Variants in LTBP1 observed in about 807,000 individuals in gnomAD.
LTBP1 encodes the protein latent transforming growth factor beta binding protein 1.
LTBP1 carries 129 observed loss-of-function variants against 207.6 expected under a neutral mutation model. The ratio of observed to expected loss-of-function variants is 0.62; its 90% CI spans 0.54 to 0.72. The LOEUF (loss-of-function observed/expected upper bound fraction) is 0.72, where lower values mean the gene tolerates loss of function less well. Among genes scored for constraint, LTBP1 ranks in the 30% least tolerant of loss-of-function variants. LTBP1 has a pLI of 0.00. For synonymous variants in LTBP1, 963 were observed against 833.7 expected (o/e 1.16, Z -2.67); for missense variants, 2,281 against 2,217.2 (o/e 1.03, Z -0.58).
In LTBP1 at chr2:33,194,925, C is replaced by T. The variant is rs1472314245; in HGVS notation, c.1701+6074C>T. On this transcript the variant is annotated intron_variant, in intron 7 of 33. Transcript: ENST00000404816. ...ATAGGCTGTTCTGAAAATTCTATGG[C>T]CCTTAAGAACTATGTTAAATGTACT... is the stretch of plus-strand genomic sequence containing the variant. Among the ~76,000 whole-genome samples the T allele has an allele frequency of 2.6e-5, 4 of 152,246 alleles. No homozygotes were observed. In the East Asian group the frequency reaches 7.7e-4, roughly 29 times the overall value.
At chr2:32,985,248 T>C (rs975760909) in intron 2 of LTBP1, among the ~76,000 whole-genome samples, 1 of 128,984 alleles carries the variant, frequency 7.8e-6, no homozygotes, top group Non-Finnish European at 1.8e-5. Flanking sequence ...GGTTTTCCTT[T>C]GCTGAGTGAC....
intron 28 of LTBP1, 133 bp from the exon 29 acceptor site, chr2:33,363,257 G>T: frequency 1.2e-6 from 1 of 816,878 alleles, no homozygotes; most frequent in Admixed American, 2.8e-5. Context: ...AGGTTATATT[G>T]CTGTTTGTGT....
intron 31 of LTBP1, among the ~76,000 whole-genome samples, chr2:33,376,203 C>A (rs866111396): frequency 2.3e-4 from 35 of 152,128 alleles, no homozygotes; most frequent in Admixed American, 6.5e-5. Flanking sequence ...TGTTTACCAA[C>A]CTAATCAAAT....
intron 5 of LTBP1, among the ~76,000 whole-genome samples, chr2:33,173,537 C>G (rs910564585): frequency 2.0e-5 from 3 of 152,022 alleles, no homozygotes; most frequent in African/African-American, 7.2e-5. Context: ...AAAAAGAGTC[C>G]AGGACCAGAT....
chr2:33,332,724 C>T (rs114259709), intron 24 of LTBP1, among the ~76,000 whole-genome samples: 3,822 of 151,874 alleles, frequency 0.025, 55 homozygotes, highest in Middle Eastern at 0.095. Flanking sequence ...GCCCAGCTAA[C>T]GTTTTTTGTA....
At position 33,110,751 on chromosome 2, in the gene LTBP1, C is replaced by T. The variant is rs17012574; in HGVS notation, c.1033C>T (p.Leu345=). 55,195 of 1,613,436 alleles carry T rather than the reference C, an allele frequency of 0.034. 1,211 individuals are homozygous for T. The highest frequency in any genetic ancestry group is 0.074 in the African/African-American group (5,556 of 74,978). ...GGATCAAGTTGCGGCACCTTTTCAG[C>T]GTGAGTATAGTCTTATCAACCATTT... is the stretch of plus-strand genomic sequence containing the variant. The part of the protein sequence containing the change: ...VQDQVAAPFQ[L]SNHTGRIKVV... Residue 345 remains leucine (L), a splice_region_variant and synonymous_variant, in exon 4 of 34, where the codon CTG becomes TTG. Coordinates refer to ENST00000404816, the MANE Select transcript of LTBP1 (RefSeq NM_206943.4).
intron 15 of LTBP1, among the ~76,000 whole-genome samples, chr2:33,264,197 A>G (rs2093107116): frequency 1.3e-5 from 2 of 149,698 alleles, no homozygotes. Flanking sequence ...CAGAGCTTGC[A>G]GTGAGCTAAG....
intron 2 of LTBP1, among the ~76,000 whole-genome samples, chr2:33,007,200 C>T (rs1213036422): frequency 1.3e-5 from 2 of 152,150 alleles, no homozygotes; most frequent in African/African-American, 4.8e-5. Context: ...AAGTAGGTCT[C>T]GAACTCGTGA....
At chr2:33,151,974 C>G (rs1007525780) in intron 5 of LTBP1, among the ~76,000 whole-genome samples, 1 of 151,772 alleles carries the variant, frequency 6.6e-6, no homozygotes, top group Non-Finnish European at 1.5e-5. Flanking sequence ...CATGCGTGTG[C>G]AAGTTGGAAA....
intron 31 of LTBP1, among the ~76,000 whole-genome samples, chr2:33,369,671 C>T (rs2150175687): frequency 6.6e-6 from 1 of 152,196 alleles, no homozygotes; most frequent in Non-Finnish European, 1.5e-5. Context: ...GATTCTCCCA[C>T]CTATTACAGG....
chr2:32,947,097 C>T lies in LTBP1; in HGVS notation c.-228C>T, dbSNP rs116049840. On this transcript the variant is annotated 5_prime_UTR_variant, in exon 1 of 34. Coordinates refer to ENST00000404816, the MANE Select transcript of LTBP1 (RefSeq NM_206943.4). The stretch of plus-strand genomic sequence containing the variant: ...CCCTCCCCGCTCCCCGGGCTCCGCG[C>T]TCCCCACCCCCACGCCCTCCTCCTG... 39,710 of 328,312 alleles carry T rather than the reference C, an allele frequency of 0.12. 2,889 individuals are homozygous for T. The highest frequency in any genetic ancestry group is 0.15 in the Non-Finnish European group (27,639 of 181,888). The allele number at this position is 328,312 out of a possible 1,614,324, so 20.3% of individuals were successfully genotyped here.
At chr2:33,156,880 C>A (rs962572666) in intron 5 of LTBP1, among the ~76,000 whole-genome samples, 1 of 152,032 alleles carries the variant, frequency 6.6e-6, no homozygotes, top group Non-Finnish European at 1.5e-5. Context: ...CTGAGTCAAA[C>A]CGATTATCTT....
chr2:32,949,989 TGAACTC>T (rs1222626802), intron 2 of LTBP1, among the ~76,000 whole-genome samples: 3 of 152,262 alleles, frequency 2.0e-5, no homozygotes, highest in African/African-American at 7.2e-5. Context: ...TTCTGACTAT[TGAACTC>T]AAACCACTAG....
chr2:33,144,748 A>G (rs768377182), intron 5 of LTBP1, among the ~76,000 whole-genome samples: 4 of 152,190 alleles, frequency 2.6e-5, no homozygotes, highest in Non-Finnish European at 5.9e-5. Context: ...ATATGAGTTG[A>G]TCTCAATTTT....
At chr2:33,157,675 T>C (rs78346023) in intron 5 of LTBP1, among the ~76,000 whole-genome samples, 2,320 of 152,306 alleles carry the variant, frequency 0.015, 22 homozygotes, top group East Asian at 0.027. Flanking sequence ...TATAGGATGA[T>C]GGTGCTGTAC....
In LTBP1 at chr2:33,021,072, C is replaced by A. The variant is rs1342762572; in HGVS notation, c.729C>A (p.Gly243=). Reference sequence around the variant, plus strand: ...GTCCTGGGGCTGCTTCCTCGTGGGGCCCTCCTGAGCAAGCAGCAAAGCATA... The same window carrying A: ...GTCCTGGGGCTGCTTCCTCGTGGGGACCTCCTGAGCAAGCAGCAAAGCATA... ...GQSPGAASSW[G]PPEQAAKHTS... Residue 243 remains glycine (G), a synonymous_variant, in exon 3 of 34, where the codon GGC becomes GGA. Transcript: ENST00000404816. The A allele has an allele frequency of 1.2e-5, 19 of 1,614,072 alleles. No individual in the cohort carries two copies. The highest frequency in any genetic ancestry group is 1.6e-5 in the Non-Finnish European group (19 of 1,180,006).
intron 28 of LTBP1, among the ~76,000 whole-genome samples, chr2:33,362,011 T>C (rs1205140046): frequency 1.3e-5 from 2 of 152,142 alleles, no homozygotes; most frequent in Non-Finnish European, 2.9e-5. Flanking sequence ...TAATGAGAAA[T>C]GGAAGAGAAG....
At chr2:33,320,685 A>G (rs1040797992) in intron 24 of LTBP1, among the ~76,000 whole-genome samples, 2 of 152,196 alleles carry the variant, frequency 1.3e-5, no homozygotes, top group African/African-American at 2.4e-5. Context: ...CATGAATTCT[A>G]TTGTCCAGAC....
chr2:33,242,538 C>A (rs955938044), intron 9 of LTBP1, among the ~76,000 whole-genome samples: 1 of 151,874 alleles, frequency 6.6e-6, no homozygotes, highest in African/African-American at 2.4e-5. Flanking sequence ...TGCCTTCTTT[C>A]TTCCTCAGAA....
Sources: allele counts gnomAD v4.1 joint callset (sites outside exome capture counted in the v4.1 genomes callset), GRCh38; gene constraint gnomAD v4.1.1; transcripts MANE v1.5; gene names NCBI Gene and HGNC (gene_info 2026-07-23, HGNC 2026-07-21).